TPD52L1: variants seen among roughly 807,000 people sequenced by gnomAD.
The protein encoded by TPD52L1 is TPD52 like 1.
A neutral mutation model predicts 28.7 loss-of-function variants in TPD52L1; 18 were observed. That is an observed-to-expected ratio of 0.63 (90% CI 0.43 to 0.93). The LOEUF is 0.93. Ranked by LOEUF, TPD52L1 falls within the 40% of genes least tolerant of loss-of-function variation. TPD52L1 has a pLI of 0.00. For synonymous variants in TPD52L1, 75 were observed against 88.8 expected, an observed-to-expected ratio of 0.84 and a Z score of 0.88; for missense variants, 203 against 254.8, an observed-to-expected ratio of 0.80 and a Z score of 1.39.
chr6:125,236,516 G>A (rs1796267931), intron 3 of TPD52L1, among the ~76,000 whole-genome samples: 1 of 151,996 alleles, frequency 6.6e-6, no homozygotes, highest in South Asian at 2.1e-4. Context: ...TCATATCTTA[G>A]TTCAAAACAT....
intron 1 of TPD52L1, among the ~76,000 whole-genome samples, chr6:125,205,189 A>T (rs1253008559): frequency 6.6e-6 from 1 of 152,214 alleles, no homozygotes; most frequent in East Asian, 1.9e-4. Flanking sequence ...AAACTGATGG[A>T]ATACAATTTC....
At chr6:125,214,465 T>C in intron 1 of TPD52L1, 1 of 984,310 alleles carries the variant, frequency 1.0e-6, no homozygotes, top group Non-Finnish European at 1.2e-6. Flanking sequence ...ACCTCCTCGG[T>C]AAGTCCTAGA....
intron 3 of TPD52L1, among the ~76,000 whole-genome samples, chr6:125,231,045 T>A (rs1205943550): frequency 6.6e-6 from 1 of 152,226 alleles, no homozygotes; most frequent in Non-Finnish European, 1.5e-5. Context: ...GCCTCTGTCT[T>A]TCCACTTTCG....
intron 1 of TPD52L1, among the ~76,000 whole-genome samples, chr6:125,212,351 C>T (rs1794579592): frequency 6.6e-6 from 1 of 152,152 alleles, no homozygotes; most frequent in South Asian, 2.1e-4. Flanking sequence ...GATTATTTTA[C>T]TATTCAAAAG....
chr6:125,213,188 G>T lies in TPD52L1; in HGVS notation c.20-6890G>T, dbSNP rs78491080. Among the ~76,000 whole-genome samples the T allele has an allele frequency of 6.0e-3, 911 of 152,184 alleles. 12 individuals are homozygous for T. The highest frequency in any genetic ancestry group is 0.021 in the African/African-American group (854 of 41,496). ...TGAGTAGTGGGGGAAAAAATATTAG[G>T]CCTAGTCCATTCCAATGCAATTATT... On this transcript the variant is annotated intron_variant, in intron 1 of 6. Transcript: ENST00000534000.
intron 6 of TPD52L1, among the ~76,000 whole-genome samples, chr6:125,258,212 G>A (rs760883639): frequency 1.3e-4 from 20 of 152,040 alleles, no homozygotes; most frequent in Non-Finnish European, 2.2e-4. Context: ...CCCATAATTA[G>A]GTGTTTAAGG....
chr6:125,176,292 A>G (rs1791819185), intron 1 of TPD52L1, among the ~76,000 whole-genome samples: 1 of 152,222 alleles, frequency 6.6e-6, no homozygotes, highest in Non-Finnish European at 1.5e-5. Context: ...TAAAAACATT[A>G]TTCTGCATGT....
intron 1 of TPD52L1, among the ~76,000 whole-genome samples, chr6:125,159,901 T>A (rs1207929235): frequency 6.6e-6 from 1 of 152,120 alleles, no homozygotes; most frequent in East Asian, 1.9e-4. Flanking sequence ...AATTCCCACA[T>A]GTCATGGGAG....
intron 1 of TPD52L1, among the ~76,000 whole-genome samples, chr6:125,158,289 T>C (rs1028458731): frequency 6.6e-6 from 1 of 152,210 alleles, no homozygotes; most frequent in Non-Finnish European, 1.5e-5. Flanking sequence ...CAGATGTCCA[T>C]GAATGAAATA....
chr6:125,189,318 T>A (rs951288546), intron 1 of TPD52L1, among the ~76,000 whole-genome samples: 2 of 152,218 alleles, frequency 1.3e-5, no homozygotes, highest in African/African-American at 4.8e-5. Flanking sequence ...AATACAGGAT[T>A]TGTGTGGGTC....
chr6:125,157,592 T>C (rs1383076979), intron 1 of TPD52L1, among the ~76,000 whole-genome samples: 2 of 152,114 alleles, frequency 1.3e-5, no homozygotes, highest in African/African-American at 2.4e-5. Context: ...AGAGAGGGAA[T>C]TGGGTTGGAA....
At chr6:125,172,140 C>CTTTCTTTCTTTCT (rs1791394813) in intron 1 of TPD52L1, among the ~76,000 whole-genome samples, 1 of 63,264 alleles carries the variant, frequency 1.6e-5, no homozygotes, top group Non-Finnish European at 2.8e-5. Flanking sequence ...TTCTTTCTTT[C>CTTTCTTTCTTTCT]TTTCTTTCTT....
At chr6:125,222,006 T>A (rs997115957) in intron 2 of TPD52L1, 4 of 152,228 alleles carry the variant, frequency 2.6e-5, no homozygotes, top group African/African-American at 7.2e-5. Flanking sequence ...AGAGAAAGTG[T>A]ATCTTTGCGA....
chr6:125,247,654 G>A (rs903669585), intron 3 of TPD52L1, among the ~76,000 whole-genome samples: 2 of 152,048 alleles, frequency 1.3e-5, no homozygotes, highest in Non-Finnish European at 2.9e-5. Flanking sequence ...AAGATGAATG[G>A]CTTCCTTGCC....
chr6:125,156,463 C>CAAAAAAAA (rs758623258), intron 1 of TPD52L1, among the ~76,000 whole-genome samples: 11 of 37,222 alleles, frequency 3.0e-4, no homozygotes, highest in African/African-American at 8.6e-4. Flanking sequence ...GACCTTGTCT[C>CAAAAAAAA]AAAAAAAAAA....
At chr6:125,248,441 G>T in intron 4 of TPD52L1, 58 bp downstream of exon 4, 2 of 1,286,908 alleles carry the variant, frequency 1.6e-6, no homozygotes, top group South Asian at 2.4e-5. Flanking sequence ...CGATTGAAGG[G>T]AGCACTAGCT....
At chr6:125,208,473 G>A (rs1234010865) in intron 1 of TPD52L1, among the ~76,000 whole-genome samples, 1 of 152,174 alleles carries the variant, frequency 6.6e-6, no homozygotes, top group East Asian at 1.9e-4. Context: ...AGAAGGGATT[G>A]GTGGAGGAGG....
chr6:125,198,319 T>C (rs1423479373), intron 1 of TPD52L1, among the ~76,000 whole-genome samples: 1 of 152,216 alleles, frequency 6.6e-6, no homozygotes, highest in Non-Finnish European at 1.5e-5. Flanking sequence ...TGGAAACCTA[T>C]AGTGATAAGT....
intron 1 of TPD52L1, among the ~76,000 whole-genome samples, chr6:125,173,804 G>C (rs951186311): frequency 1.3e-5 from 2 of 152,120 alleles, no homozygotes; most frequent in Non-Finnish European, 2.9e-5. Flanking sequence ...TCTAGATGCT[G>C]ATACTTCTCG....
Sources: gnomAD v4.1 joint callset for allele counts (sites outside exome capture counted in the v4.1 genomes callset) on GRCh38, gnomAD v4.1.1 for gene constraint, MANE v1.5 for transcripts, NCBI Gene and HGNC (gene_info 2026-07-23, HGNC 2026-07-21) for gene names.